The following HIBADH variants were observed in gnomAD, a reference collection of about 807,000 sequenced individuals.
HIBADH encodes 3-hydroxyisobutyrate dehydrogenase, mitochondrial.
HIBADH carries 25 observed loss-of-function variants against 36.1 expected under a neutral mutation model. The observed-to-expected ratio is 0.69, with a 90% CI of 0.50 to 0.97. The LOEUF is 0.97. Ranked by LOEUF, HIBADH falls within the 50% of genes least tolerant of loss-of-function variation. The pLI, the probability that HIBADH is intolerant of heterozygous loss-of-function variation, is 0.00. For synonymous variants in HIBADH, 160 were observed against 149.5 expected, an observed-to-expected ratio of 1.07 and a Z score of -0.51; for missense variants, 421 against 418.0, an observed-to-expected ratio of 1.01 and a Z score of -0.06.
At chr7:27,571,983 G>C (rs926121778) in intron 4 of HIBADH, among the ~76,000 whole-genome samples, 2 of 152,136 alleles carry the variant, frequency 1.3e-5, no homozygotes, top group African/African-American at 4.8e-5. Context: ...TAACTAGCAG[G>C]CTTACGATCC....
chr7:27,629,524 A>C, intron 3 of HIBADH, 32 bp from the exon 4 acceptor site: 1 of 1,468,110 alleles, frequency 6.8e-7, no homozygotes, highest in South Asian at 1.5e-5. Flanking sequence ...TTTGTAGTTT[A>C]CAACTCTGAG....
At chr7:27,563,391 C>G (rs556169990) in intron 4 of HIBADH, among the ~76,000 whole-genome samples, 1 of 152,020 alleles carries the variant, frequency 6.6e-6, no homozygotes, top group Non-Finnish European at 1.5e-5. Context: ...TTTCATTTAT[C>G]CAGGCTAGCA....
At chr7:27,539,752 T>TA (rs1365408594) in intron 5 of HIBADH, among the ~76,000 whole-genome samples, 2 of 152,146 alleles carry the variant, frequency 1.3e-5, no homozygotes, top group African/African-American at 4.8e-5. Flanking sequence ...TAACTACTAA[T>TA]AGCCCACTGT....
In HIBADH at chr7:27,649,496, C is replaced by T. The variant is rs371063501; in HGVS notation, c.229G>A (p.Glu77Lys). 3.1e-6 allele frequency: 5 copies of T among 1,612,678 alleles called. No individual in the cohort carries two copies. The highest frequency in any genetic ancestry group is 3.4e-6 in the Non-Finnish European group (4 of 1,179,512). Residue 77 changes from glutamate to lysine, a missense_variant, in exon 2 of 8, where the codon GAG becomes AAG. Glu to Lys is a moderately conservative substitution (Grantham distance 56). Transcript: ENST00000265395. ...IYDVFPDACK[E>K]FQDAGEQVVS... ...ACCTGTTCACCTGCATCTTGAAACT[C>T]TTTGCAGGCATCAGGGAACACATCA...
intron 4 of HIBADH, among the ~76,000 whole-genome samples, chr7:27,604,097 C>G (rs1055216302): frequency 6.6e-6 from 1 of 152,146 alleles, no homozygotes; most frequent in Non-Finnish European, 1.5e-5. Context: ...TACACCAATA[C>G]TATTTCCAAC....
chr7:27,545,984 T>C (rs1388205366), intron 4 of HIBADH, among the ~76,000 whole-genome samples: 2 of 152,258 alleles, frequency 1.3e-5, no homozygotes. Flanking sequence ...TGCCACTTGC[T>C]GGCAAATTGT....
At chr7:27,591,923 G>C (rs1488941209) in intron 4 of HIBADH, among the ~76,000 whole-genome samples, 1 of 152,116 alleles carries the variant, frequency 6.6e-6, no homozygotes, top group Non-Finnish European at 1.5e-5. Flanking sequence ...TGAGTGTCTT[G>C]TCAATCGAGC....
intron 4 of HIBADH, among the ~76,000 whole-genome samples, chr7:27,577,952 A>G (rs1038718969): frequency 4.3e-4 from 65 of 152,362 alleles, no homozygotes; most frequent in African/African-American, 1.6e-3. Context: ...TCAACAGTTC[A>G]TGACCCACCA....
rs146465106 is a variant in HIBADH at position 27,553,727 on chromosome 7, C to A, written c.485-10627G>T. ...CACAATGTCGGTTTACAATAAAACA[C>A]TAAACTCCTGAAAGCTAAATAGCTG... On this transcript the variant is annotated intron_variant, in intron 4 of 7. Transcript: ENST00000265395. Among the ~76,000 whole-genome samples the A allele has an allele frequency of 8.5e-5, 13 of 152,332 alleles. No homozygotes were observed. In the East Asian group the frequency reaches 2.1e-3, roughly 25 times the overall value.
chr7:27,612,140 A>C (rs1450742037), intron 4 of HIBADH, among the ~76,000 whole-genome samples: 1 of 152,196 alleles, frequency 6.6e-6, no homozygotes, highest in Non-Finnish European at 1.5e-5. Context: ...CTGGAAAATA[A>C]GGCAAGTCCC....
chr7:27,529,479 A>G (rs760980721), intron 7 of HIBADH, among the ~76,000 whole-genome samples: 1 of 152,218 alleles, frequency 6.6e-6, no homozygotes, highest in Non-Finnish European at 1.5e-5. Context: ...GATAACTTTG[A>G]GGCCTTTAAG....
chr7:27,548,782 A>G (rs1784273722), intron 4 of HIBADH, among the ~76,000 whole-genome samples: 1 of 152,202 alleles, frequency 6.6e-6, no homozygotes. Flanking sequence ...AAAAGGTAGC[A>G]TCACATACCA....
intron 4 of HIBADH, among the ~76,000 whole-genome samples, chr7:27,593,359 C>T (rs1239679159): frequency 6.6e-6 from 1 of 152,194 alleles, no homozygotes; most frequent in Non-Finnish European, 1.5e-5. Context: ...CAACCTGTAT[C>T]AGTTCCCCCA....
intron 4 of HIBADH, among the ~76,000 whole-genome samples, chr7:27,583,132 A>G (rs980864712): frequency 1.3e-5 from 2 of 152,102 alleles, no homozygotes; most frequent in Non-Finnish European, 1.5e-5. Context: ...AAATAAGATG[A>G]TATTTACAAG....
At chr7:27,632,102 C>T (rs1047923258) in intron 3 of HIBADH, among the ~76,000 whole-genome samples, 7 of 151,998 alleles carry the variant, frequency 4.6e-5, no homozygotes, top group Admixed American at 3.9e-4. Context: ...AAGTTTAACG[C>T]AAGAGTTAAA....
chr7:27,592,264 G>T (rs1784950100), intron 4 of HIBADH, among the ~76,000 whole-genome samples: 1 of 152,138 alleles, frequency 6.6e-6, no homozygotes, highest in African/African-American at 2.4e-5. Flanking sequence ...ACATTATGAT[G>T]ATCTTGAGGT....
At chr7:27,541,762 A>T (rs992277532) in intron 5 of HIBADH, 2 of 429,592 alleles carry the variant, frequency 4.7e-6, no homozygotes, top group Non-Finnish European at 9.2e-6. Context: ...TGCACTAAAC[A>T]TGATAAAAAA....
rs568289986 is a variant in HIBADH at position 27,620,962 on chromosome 7, C to A, written c.484+8409G>T. Reference sequence around the variant, plus strand: ...GGTTGAATGGATTTAAAAAAAAAAACAATCCAACTGCTTACAAGAAACTCA... The same window carrying A: ...GGTTGAATGGATTTAAAAAAAAAAAAAATCCAACTGCTTACAAGAAACTCA... On this transcript the variant is annotated intron_variant, in intron 4 of 7. Coordinates refer to ENST00000265395, the MANE Select transcript of HIBADH (RefSeq NM_152740.4). 3.7e-3 allele frequency among the ~76,000 whole-genome samples: 549 copies of A among 147,602 alleles called. 6 individuals are homozygous for A. The highest frequency in any genetic ancestry group is 4.8e-3 in the Non-Finnish European group (319 of 66,616).
rs368715218 is a variant in HIBADH, at chr7:27,638,308, C to CAAAAAAAAAAAAAAAAAAAAAAAA, written c.253-5864_253-5863insTTTTTTTTTTTTTTTTTTTTTTTT. 4.1e-4 allele frequency among the ~76,000 whole-genome samples: 23 copies of CAAAAAAAAAAAAAAAAAAAAAAAA among 55,460 alleles called. 1 individual carries two copies. The highest frequency in any genetic ancestry group is 1.3e-3 in the African/African-American group (17 of 13,428). 36.4% of individuals were successfully genotyped at this position (55,460 alleles called of 152,430 possible). On this transcript the variant is annotated intron_variant, in intron 2 of 7. Coordinates refer to ENST00000265395, the MANE Select transcript of HIBADH (RefSeq NM_152740.4). ...ATACCCATCTGATCTTTGGCAAAGTCAAAAAAAAAAAAAAAAAAAAAACAA... is the reference window on the plus strand; with the variant it reads ...ATACCCATCTGATCTTTGGCAAAGTCAAAAAAAAAAAAAAAAAAAAAAAAAAAAAAAAAAAAAAAAAAAAAACAA...
Sources: allele counts gnomAD v4.1 joint callset (sites outside exome capture counted in the v4.1 genomes callset), GRCh38; gene constraint gnomAD v4.1.1; transcripts MANE v1.5; gene names NCBI Gene and HGNC (gene_info 2026-07-23, HGNC 2026-07-21).